The following PRR14L variants were observed in gnomAD, a reference collection of about 807,000 sequenced individuals.
PRR14L encodes the protein protein PRR14L.
A neutral mutation model predicts 155.0 loss-of-function variants in PRR14L; 80 were observed. The ratio of observed to expected loss-of-function variants is 0.52; its 90% CI spans 0.43 to 0.62. PRR14L has a LOEUF of 0.62. Ranked by LOEUF, PRR14L falls within the 20% of genes least tolerant of loss-of-function variation. The pLI is 0.00. For missense variants in PRR14L, 2,469 were observed against 2,548.0 expected (o/e 0.97, Z 0.67); for synonymous variants, 883 against 916.0 (o/e 0.96, Z 0.65).
In PRR14L at chr22:31,701,938, G is replaced by A. The variant is rs765900537; in HGVS notation, c.6001-176C>T. On this transcript the variant is annotated intron_variant, in intron 6 of 8. Coordinates refer to ENST00000327423, the MANE Select transcript of PRR14L (RefSeq NM_173566.3). Reference sequence around the variant, plus strand: ...TCCTCCTGCCTTGGCCTCCCAAAGCGCTGGGGTTACAAGTATAAGCCACCG... The same window carrying A: ...TCCTCCTGCCTTGGCCTCCCAAAGCACTGGGGTTACAAGTATAAGCCACCG... 1.1e-4 allele frequency among the ~76,000 whole-genome samples: 16 copies of A among 152,196 alleles called. No homozygotes were observed. In the East Asian group the frequency reaches 2.9e-3, roughly 28 times the overall value.
chr22:31,692,723 C>G (rs1307504038), intron 7 of PRR14L, among the ~76,000 whole-genome samples: 4 of 152,158 alleles, frequency 2.6e-5, no homozygotes, highest in Admixed American at 2.6e-4. Context: ...TTCACTGCAG[C>G]CTTGAAATCC....
chr22:31,691,382 G>A (rs1228401165), intron 7 of PRR14L, among the ~76,000 whole-genome samples: 1 of 151,772 alleles, frequency 6.6e-6, no homozygotes, highest in African/African-American at 2.4e-5. Flanking sequence ...GTTGAGCCAC[G>A]ATGCCTGACC....
At chr22:31,739,094 G>A (rs1008524741) in intron 1 of PRR14L, among the ~76,000 whole-genome samples, 183 bp from the exon 2 acceptor site, 10 of 152,058 alleles carry the variant, frequency 6.6e-5, no homozygotes, top group Non-Finnish European at 1.2e-4. Flanking sequence ...CTTTAATAAC[G>A]TTTGAGATTA....
intron 4 of PRR14L, among the ~76,000 whole-genome samples, chr22:31,706,370 A>G (rs1207285996): frequency 6.6e-6 from 1 of 151,382 alleles, no homozygotes; most frequent in Non-Finnish European, 1.5e-5. Context: ...CTCACAAAAA[A>G]AAAAAAAAAA....
chr22:31,691,346 G>A (rs1029267396), intron 7 of PRR14L, among the ~76,000 whole-genome samples: 1 of 152,114 alleles, frequency 6.6e-6, no homozygotes, highest in Non-Finnish European at 1.5e-5. Flanking sequence ...TCCAGTCTCA[G>A]CCTCCCAAAG....
chr22:31,738,127 C>A (rs1569500823), intron 2 of PRR14L, among the ~76,000 whole-genome samples: 1 of 152,078 alleles, frequency 6.6e-6, no homozygotes, highest in Non-Finnish European at 1.5e-5. Context: ...GCTGAAATAC[C>A]ATGATTTTCA....
chr22:31,716,895 A>T lies in PRR14L; in HGVS notation c.944T>A (p.Leu315His). Residue 315 changes from leucine (L) to histidine (H), a missense_variant, in exon 4 of 9, where the codon CTT becomes CAT. Leu to His is a moderately conservative substitution (Grantham distance 99). Coordinates refer to ENST00000327423, the MANE Select transcript of PRR14L (RefSeq NM_173566.3). Reference sequence around the variant, plus strand: ...GGGTTGTTCATTATGGTGGCCATGAAGCTGTTGGTGATTGTCATCTGCTTC... The same window carrying T: ...GGGTTGTTCATTATGGTGGCCATGATGCTGTTGGTGATTGTCATCTGCTTC... ...VCEADDNHQQ[L>H]HGHHNEQPSS... 1.9e-6 allele frequency: 3 copies of T among 1,552,042 alleles called. No homozygotes were observed. Among genetic ancestry groups the T allele is most frequent in the Non-Finnish European group, 2.6e-6 (3 of 1,147,076 alleles).
At chr22:31,696,348 C>CCA (rs2074535094) in intron 7 of PRR14L, among the ~76,000 whole-genome samples, 1 of 152,078 alleles carries the variant, frequency 6.6e-6, no homozygotes, top group African/African-American at 2.4e-5. Context: ...ACCATGTTAG[C>CCA]CATGCTGGTC....
intron 2 of PRR14L, among the ~76,000 whole-genome samples, chr22:31,736,910 C>T (rs563313038): frequency 6.6e-6 from 1 of 150,400 alleles, no homozygotes; most frequent in Admixed American, 6.6e-5. Flanking sequence ...TGGTGGCCAG[C>T]GCCTGTAATC....
chr22:31,718,251 G>GT (rs2074671076), intron 3 of PRR14L, among the ~76,000 whole-genome samples: 1 of 123,128 alleles, frequency 8.1e-6, no homozygotes, highest in African/African-American at 3.2e-5. Flanking sequence ...TTTTGGGGGG[G>GT]TTTTTGTTTT....
At chr22:31,690,148 C>G (rs1301280230) in intron 7 of PRR14L, among the ~76,000 whole-genome samples, 2 of 152,196 alleles carry the variant, frequency 1.3e-5, no homozygotes, top group African/African-American at 4.8e-5. Flanking sequence ...AACTCCTGAC[C>G]TCAGGTGATT....
rs1419219997 is a variant in PRR14L at position 31,713,133 on chromosome 22, G to A, written c.4706C>T (p.Thr1569Ile). 4 of 1,552,034 alleles carry A rather than the reference G, an allele frequency of 2.6e-6. No homozygotes were observed. The African/African-American group carries it at 5.5e-5, about 21-fold the overall frequency. The part of the protein sequence containing the change: ...TKAHRLLSLC[T>I]LSAPTRLEPE... ...TTCTAATCGTGTAGGTGCAGACAGAGTACACAAACTGAGAAGTCTGTGCGC... is the reference window on the plus strand; with the variant it reads ...TTCTAATCGTGTAGGTGCAGACAGAATACACAAACTGAGAAGTCTGTGCGC... The change falls in exon 4 of 9, where the codon ACT becomes ATT. Residue 1569 changes from threonine (T) to isoleucine (I), a missense_variant. Physicochemically the swap from Thr to Ile is moderately conservative, Grantham distance 89. This residue lies in a region of PRR14L where 2,363 missense variants were observed against 2,371.6 expected (regional missense o/e 1.00). Transcript: ENST00000327423.
chr22:31,747,819 A>C (rs1473089466), intron 1 of PRR14L, among the ~76,000 whole-genome samples: 3 of 151,722 alleles, frequency 2.0e-5, no homozygotes, highest in African/African-American at 2.4e-5. Flanking sequence ...AAAAAAAAAA[A>C]AAAACAAAAA....
In PRR14L at chr22:31,713,913, C is replaced by T; in HGVS notation, c.3926G>A (p.Cys1309Tyr). 1 of 1,551,904 alleles carries T rather than the reference C, an allele frequency of 6.4e-7. No homozygotes were observed. Among genetic ancestry groups the T allele is most frequent in the Non-Finnish European group, 8.7e-7 (1 of 1,147,034 alleles). ...ATTCTCGTGAGGGTGACAAGCTTTGCAAGCATTCTTTTCCACACAGGTACA... is the reference window on the plus strand; with the variant it reads ...ATTCTCGTGAGGGTGACAAGCTTTGTAAGCATTCTTTTCCACACAGGTACA... ...SVCTCVEKNA[C>Y]KACHPHENSS... The change falls in exon 4 of 9, where the codon TGC (cysteine) becomes TAC (tyrosine). Residue 1309 changes from cysteine to tyrosine, a missense_variant. Physicochemically the swap from Cys to Tyr is radical, Grantham distance 194. Coordinates refer to ENST00000327423, the MANE Select transcript of PRR14L (RefSeq NM_173566.3).
At chr22:31,728,549 G>A (rs184991174) in intron 2 of PRR14L, among the ~76,000 whole-genome samples, 1 of 151,062 alleles carries the variant, frequency 6.6e-6, no homozygotes, top group African/African-American at 2.4e-5. Flanking sequence ...GGAGGCGGAG[G>A]TTGCAGTGAG....
In PRR14L at chr22:31,713,715, G is replaced by T; in HGVS notation, c.4124C>A (p.Thr1375Asn). 1 of 1,552,324 alleles carries T rather than the reference G, an allele frequency of 6.4e-7. No individual in the cohort carries two copies. The highest frequency in any genetic ancestry group is 8.7e-7 in the Non-Finnish European group (1 of 1,147,140). Residue 1375 changes from threonine (T) to asparagine (N), a missense_variant, in exon 4 of 9, where the codon ACC becomes AAC. Coordinates refer to ENST00000327423, the MANE Select transcript of PRR14L (RefSeq NM_173566.3). The stretch of plus-strand genomic sequence containing the variant: ...AAGTATCCCCCGGCATTTAAAATGG[G>T]TCTGAGAGATGTTGCTCACGGGATC... ...DGDPVSNISQ[T>N]HFKCRGILNH...
chr22:31,746,982 T>A (rs1016232544), intron 1 of PRR14L, among the ~76,000 whole-genome samples: 1 of 151,868 alleles, frequency 6.6e-6, no homozygotes, highest in Non-Finnish European at 1.5e-5. Context: ...TTTTTTTTAT[T>A]TTTAGTAGAG....
Position 31,715,186 on chromosome 22 carries a change from T to C in PRR14L, c.2653A>G (p.Ile885Val), listed in dbSNP as rs895846040. The C allele has an allele frequency of 6.4e-7, 1 of 1,552,034 alleles. No individual in the cohort carries two copies. Among genetic ancestry groups the C allele is most frequent in the East Asian group, 2.4e-5 (1 of 40,936 alleles). ...KMVAGLLNSG[I>V]SNKTIHTSSS... Reference sequence around the variant, plus strand: ...GAGGTGTGAATGGTTTTGTTTGAAATTCCACTATTTAACAAGCCTGCTACC... The same window carrying C: ...GAGGTGTGAATGGTTTTGTTTGAAACTCCACTATTTAACAAGCCTGCTACC... Residue 885 changes from isoleucine to valine, a missense_variant, in exon 4 of 9, where the codon ATT (isoleucine) becomes GTT (valine). Coordinates refer to ENST00000327423, the MANE Select transcript of PRR14L (RefSeq NM_173566.3).
chr22:31,728,333 C>T (rs535849466), intron 2 of PRR14L, among the ~76,000 whole-genome samples: 1 of 152,210 alleles, frequency 6.6e-6, no homozygotes, highest in East Asian at 1.9e-4. Context: ...AGTCCTAGGG[C>T]CGGGGGCAGT....
Sources: allele counts gnomAD v4.1 joint callset (sites outside exome capture counted in the v4.1 genomes callset), GRCh38; gene constraint gnomAD v4.1.1; regional missense constraint gnomAD v4.1.1; transcripts MANE v1.5; gene names NCBI Gene and HGNC (gene_info 2026-07-23, HGNC 2026-07-21).